GALNTL6: variants seen among roughly 807,000 people sequenced by gnomAD.
GALNTL6 encodes polypeptide N-acetylgalactosaminyltransferase-like 6.
In GALNTL6, 46 loss-of-function variants were observed where a neutral mutation model predicts 73.7. The ratio of observed to expected loss-of-function variants is 0.62; its 90% CI spans 0.49 to 0.80. The LOEUF (loss-of-function observed/expected upper bound fraction) is 0.80, where lower values mean the gene tolerates loss of function less well. Among genes scored for constraint, GALNTL6 ranks in the 30% least tolerant of loss-of-function variants. The probability of loss-of-function intolerance (pLI) is 0.00; values close to 1 mark genes in which losing one functional copy is unlikely to be tolerated. For synonymous variants in GALNTL6, 259 were observed against 263.7 expected, an observed-to-expected ratio of 0.98 and a Z score of 0.17; for missense variants, 604 against 755.0, an observed-to-expected ratio of 0.80 and a Z score of 2.34.
intron 5 of GALNTL6, among the ~76,000 whole-genome samples, chr4:172,365,637 G>A (rs1031802001): frequency 2.0e-5 from 3 of 151,388 alleles, no homozygotes; most frequent in African/African-American, 7.3e-5. Flanking sequence ...TTCAAGCCTT[G>A]CCTTGCTTAT....
intron 2 of GALNTL6, among the ~76,000 whole-genome samples, chr4:171,951,667 T>A (rs76445795): frequency 0.019 from 2,925 of 152,166 alleles, 97 homozygotes; most frequent in African/African-American, 0.067. Flanking sequence ...GTCAAATAGA[T>A]AATATCTTTC....
chr4:172,656,638 G>C (rs1731034524), intron 5 of GALNTL6, among the ~76,000 whole-genome samples: 1 of 152,130 alleles, frequency 6.6e-6, no homozygotes, highest in Non-Finnish European at 1.5e-5. Flanking sequence ...GCTTTATTAA[G>C]CTGCTTAGTT....
At chr4:172,074,092 G>A (rs1209608571) in intron 2 of GALNTL6, among the ~76,000 whole-genome samples, 3 of 152,192 alleles carry the variant, frequency 2.0e-5, no homozygotes, top group Non-Finnish European at 4.4e-5. Flanking sequence ...TAACGTGGAA[G>A]TAAGAACCAC....
chr4:172,013,750 A>G (rs1741095154), intron 2 of GALNTL6, among the ~76,000 whole-genome samples: 1 of 152,028 alleles, frequency 6.6e-6, no homozygotes, highest in East Asian at 1.9e-4. Context: ...GTAAAACTAA[A>G]TTATTATTGA....
rs189249206 is a variant in GALNTL6 at position 172,888,167 on chromosome 4, G to T, written c.1041+5260G>T. ...GTGTACTCTGTTGATAGTTTCTTTTGCTGTGAAGAAGCTCTTAAGTTTAAT... is the reference window on the plus strand; with the variant it reads ...GTGTACTCTGTTGATAGTTTCTTTTTCTGTGAAGAAGCTCTTAAGTTTAAT... On this transcript the variant is annotated intron_variant, in intron 8 of 12. Coordinates refer to ENST00000506823, the MANE Select transcript of GALNTL6 (RefSeq NM_001034845.3). 1.8e-3 allele frequency among the ~76,000 whole-genome samples: 270 copies of T among 152,152 alleles called. 1 individual carries two copies. Among genetic ancestry groups the T allele is most frequent in the African/African-American group, 6.2e-3 (258 of 41,514 alleles).
At chr4:172,707,243 A>G (rs1378870915) in intron 5 of GALNTL6, among the ~76,000 whole-genome samples, 1 of 152,186 alleles carries the variant, frequency 6.6e-6, no homozygotes, top group East Asian at 1.9e-4. Context: ...TTATTTAGAT[A>G]GTAAGAATTG....
At chr4:172,658,466 CAAA>C (rs1207091609) in intron 5 of GALNTL6, among the ~76,000 whole-genome samples, 2 of 53,568 alleles carry the variant, frequency 3.7e-5, no homozygotes, top group Non-Finnish European at 3.9e-5. Flanking sequence ...GACTCCGTCT[CAAA>C]AAAAAAAAAA....
At chr4:172,123,570 C>T (rs1262542871) in intron 2 of GALNTL6, among the ~76,000 whole-genome samples, 2 of 132,116 alleles carry the variant, frequency 1.5e-5, no homozygotes, top group Admixed American at 9.0e-5. Context: ...GGCACAATCT[C>T]GGCTCACTGC....
chr4:172,871,840 A>G (rs539130414), intron 7 of GALNTL6, among the ~76,000 whole-genome samples: 4 of 151,714 alleles, frequency 2.6e-5, no homozygotes, highest in Admixed American at 1.3e-4. Flanking sequence ...TTGGAGTGTG[A>G]TGGCGCGATC....
chr4:172,880,472 A>G (rs1745400471), intron 7 of GALNTL6, among the ~76,000 whole-genome samples: 1 of 152,142 alleles, frequency 6.6e-6, no homozygotes, highest in Admixed American at 6.5e-5. Flanking sequence ...ATCTACAGTG[A>G]CAGAAAGCAG....
chr4:172,785,086 T>C (rs1739580025), intron 5 of GALNTL6, among the ~76,000 whole-genome samples: 1 of 152,148 alleles, frequency 6.6e-6, no homozygotes, highest in Admixed American at 6.5e-5. Flanking sequence ...GAACAGAAAG[T>C]GGTTCTTAGC....
chr4:171,942,551 T>A (rs1319553213), intron 2 of GALNTL6, among the ~76,000 whole-genome samples: 2 of 152,190 alleles, frequency 1.3e-5, no homozygotes, highest in Non-Finnish European at 1.5e-5. Context: ...GTGAAGGATT[T>A]CACTCCTAAG....
chr4:172,894,454 A>C (rs1162128603), intron 8 of GALNTL6, among the ~76,000 whole-genome samples: 1 of 152,092 alleles, frequency 6.6e-6, no homozygotes, highest in Admixed American at 6.6e-5. Context: ...TCATTGACCC[A>C]TTCGTCATTC....
intron 3 of GALNTL6, among the ~76,000 whole-genome samples, chr4:172,284,577 T>A (rs1023316124): frequency 6.6e-6 from 1 of 152,176 alleles, no homozygotes; most frequent in African/African-American, 2.4e-5. Flanking sequence ...TGAGTCTTCA[T>A]TAAATTTCTC....
intron 2 of GALNTL6, among the ~76,000 whole-genome samples, chr4:172,181,877 G>A (rs894881693): frequency 5.9e-5 from 9 of 151,746 alleles, no homozygotes; most frequent in East Asian, 3.9e-4. Flanking sequence ...CACCACGCCC[G>A]GCTAATTTTT....
At chr4:172,248,041 A>C (rs1197262485) in intron 3 of GALNTL6, among the ~76,000 whole-genome samples, 2 of 144,614 alleles carry the variant, frequency 1.4e-5, no homozygotes, top group Non-Finnish European at 3.1e-5. Context: ...TTTGACAAAG[A>C]AAAATGTAGT....
chr4:172,203,627 A>G (rs902673192), intron 2 of GALNTL6, among the ~76,000 whole-genome samples: 3 of 152,070 alleles, frequency 2.0e-5, no homozygotes, highest in African/African-American at 7.2e-5. Flanking sequence ...TTTTCCCAAG[A>G]CTTTATTGCT....
chr4:172,074,462 G>A (rs574013288), intron 2 of GALNTL6, among the ~76,000 whole-genome samples: 183 of 152,208 alleles, frequency 1.2e-3, no homozygotes, highest in Middle Eastern at 3.4e-3. Context: ...CCAAGAGTGC[G>A]GTTCTATCAT....
At position 173,009,306 on chromosome 4, in the gene GALNTL6, C is replaced by T; in HGVS notation, c.1488+12C>T. ...GGTCTCATGAACAGGTGAGTCACCT[C>T]CCAGAAGCCAGGGCAGTGGGAACCA... On this transcript the variant is annotated intron_variant, in intron 11 of 12. Coordinates refer to ENST00000506823, the MANE Select transcript of GALNTL6 (RefSeq NM_001034845.3). 1.3e-6 allele frequency: 2 copies of T among 1,551,222 alleles called. No homozygotes were observed. The highest frequency in any genetic ancestry group is 1.1e-5 in the South Asian group (1 of 89,724).
Sources: gnomAD v4.1 joint callset for allele counts (sites outside exome capture counted in the v4.1 genomes callset) on GRCh38, gnomAD v4.1.1 for gene constraint, MANE v1.5 for transcripts, NCBI Gene and HGNC (gene_info 2026-07-23, HGNC 2026-07-21) for gene names.